DOK5: variants seen among roughly 807,000 people sequenced by gnomAD.
DOK5 encodes the protein docking protein 5.
DOK5 carries 27 observed loss-of-function variants against 43.3 expected under a neutral mutation model. That is an observed-to-expected ratio of 0.62 (90% CI 0.46 to 0.86). The LOEUF is 0.86. DOK5 is among the 40% of genes least tolerant of loss of function. DOK5 has a pLI of 0.00. For missense variants in DOK5, 373 were observed against 392.9 expected (o/e 0.95, Z 0.43); for synonymous variants, 146 against 140.1 (o/e 1.04, Z -0.30).
At chr20:54,514,220 G>A (rs572145729) in intron 1 of DOK5, among the ~76,000 whole-genome samples, 1 of 152,174 alleles carries the variant, frequency 6.6e-6, no homozygotes, top group East Asian at 1.9e-4. Context: ...TGGTTTGACA[G>A]ATGCCAACTT....
At chr20:54,565,744 C>T (rs745815291) in intron 2 of DOK5, among the ~76,000 whole-genome samples, 5 of 152,224 alleles carry the variant, frequency 3.3e-5, no homozygotes, top group South Asian at 2.1e-4. Context: ...TGAACATGGT[C>T]GGGCGCAGTG....
chr20:54,623,984 G>A (rs754828523), intron 6 of DOK5, among the ~76,000 whole-genome samples: 1 of 152,198 alleles, frequency 6.6e-6, no homozygotes. Flanking sequence ...GAATTTGAAT[G>A]ATGGAGCCGA....
At chr20:54,519,275 G>A (rs16999734) in intron 1 of DOK5, among the ~76,000 whole-genome samples, 4,398 of 152,108 alleles carry the variant, frequency 0.029, 228 homozygotes, top group African/African-American at 0.1. Flanking sequence ...AAGAATTCAG[G>A]TGTAATAAAG....
intron 6 of DOK5, among the ~76,000 whole-genome samples, chr20:54,628,600 A>G (rs552144572): frequency 6.6e-6 from 1 of 152,172 alleles, no homozygotes; most frequent in South Asian, 2.1e-4. Flanking sequence ...GATTATCACA[A>G]AACTTGTTCA....
At chr20:54,631,491 G>GCAGC (rs1268142198) in intron 6 of DOK5, among the ~76,000 whole-genome samples, 19 of 151,926 alleles carry the variant, frequency 1.3e-4, no homozygotes, top group African/African-American at 3.6e-4. Context: ...AGGGAGGCAG[G>GCAGC]CAGCCAGCCA....
chr20:54,554,883 A>C, intron 1 of DOK5, 50 bp from the exon 2 acceptor site: 1 of 1,162,424 alleles, frequency 8.6e-7, no homozygotes, highest in South Asian at 1.3e-5. Flanking sequence ...ATTTAAATGC[A>C]AATGTCAGTC....
intron 1 of DOK5, among the ~76,000 whole-genome samples, chr20:54,545,314 C>T (rs553492283): frequency 6.6e-6 from 1 of 152,316 alleles, no homozygotes; most frequent in South Asian, 2.1e-4. Context: ...TTAACATCTC[C>T]ACCCTTGACT....
At chr20:54,562,131 T>G (rs1410957537) in intron 2 of DOK5, among the ~76,000 whole-genome samples, 1 of 152,236 alleles carries the variant, frequency 6.6e-6, no homozygotes, top group Admixed American at 6.5e-5. Flanking sequence ...TTCTTGAAGA[T>G]AGAAACCATG....
At chr20:54,573,227 T>C (rs545022894) in intron 2 of DOK5, among the ~76,000 whole-genome samples, 2 of 151,928 alleles carry the variant, frequency 1.3e-5, no homozygotes, top group East Asian at 3.9e-4. Context: ...GATGGTAGGG[T>C]GAGAGTGAGC....
intron 1 of DOK5, among the ~76,000 whole-genome samples, chr20:54,477,230 CT>C (rs1366364041): frequency 6.6e-6 from 1 of 152,142 alleles, no homozygotes; most frequent in African/African-American, 2.4e-5. Flanking sequence ...GTGCCAGATA[CT>C]TTTACTGAAA....
intron 7 of DOK5, among the ~76,000 whole-genome samples, chr20:54,644,756 T>A (rs1277741364): frequency 2.0e-5 from 3 of 150,470 alleles, no homozygotes; most frequent in African/African-American, 7.4e-5. Flanking sequence ...GGCATGTGCC[T>A]GTAATCCCAG....
chr20:54,610,674 C>T (rs1343060278), intron 6 of DOK5, 151 bp downstream of exon 6: 6 of 939,264 alleles, frequency 6.4e-6, no homozygotes, highest in South Asian at 4.0e-5. Flanking sequence ...AATGGCATTC[C>T]AGAATGCCTG....
intron 1 of DOK5, among the ~76,000 whole-genome samples, chr20:54,501,878 T>C (rs925179782): frequency 1.3e-5 from 2 of 152,266 alleles, no homozygotes; most frequent in African/African-American, 4.8e-5. Flanking sequence ...AGACACTTAA[T>C]ATTGGTTTCT....
At chr20:54,631,934 T>G (rs1437714755) in intron 6 of DOK5, among the ~76,000 whole-genome samples, 5 of 152,196 alleles carry the variant, frequency 3.3e-5, no homozygotes, top group Non-Finnish European at 5.9e-5. Flanking sequence ...ATTGCACCAT[T>G]GCACTCCAGC....
intron 1 of DOK5, among the ~76,000 whole-genome samples, chr20:54,536,716 A>T (rs1416982684): frequency 6.6e-6 from 1 of 152,340 alleles, no homozygotes; most frequent in East Asian, 1.9e-4. Context: ...GCTGCTCTAT[A>T]CCATTCAAAC....
chr20:54,493,807 C>T lies in DOK5; in HGVS notation c.66+17795C>T, dbSNP rs1035308216. Among the ~76,000 whole-genome samples, 7 of 152,192 alleles carry T rather than the reference C, an allele frequency of 4.6e-5. No homozygotes were observed. The South Asian group carries it at 1.5e-3, about 32-fold the overall frequency. Reference sequence around the variant, plus strand: ...AAAAAAACTTTGTTGGGTGTGGTGGCTGGCACCTGTACTCCTAACTACTCA... The same window carrying T: ...AAAAAAACTTTGTTGGGTGTGGTGGTTGGCACCTGTACTCCTAACTACTCA... On this transcript the variant is annotated intron_variant, in intron 1 of 7. Coordinates refer to ENST00000262593, the MANE Select transcript of DOK5 (RefSeq NM_018431.5).
intron 2 of DOK5, among the ~76,000 whole-genome samples, chr20:54,570,139 T>C (rs1228470323): frequency 2.6e-5 from 4 of 152,196 alleles, no homozygotes; most frequent in East Asian, 3.8e-4. Context: ...AGGTTAAAAG[T>C]TTTGTAACAC....
chr20:54,529,424 T>C (rs1275917169), intron 1 of DOK5, among the ~76,000 whole-genome samples: 1 of 152,190 alleles, frequency 6.6e-6, no homozygotes, highest in African/African-American at 2.4e-5. Context: ...AGGCTGTCCC[T>C]TAATAAATGC....
intron 5 of DOK5, among the ~76,000 whole-genome samples, chr20:54,600,355 G>C (rs569896915): frequency 1.1e-4 from 17 of 152,156 alleles, no homozygotes; most frequent in African/African-American, 3.6e-4. Flanking sequence ...TCCCCAAGAT[G>C]GCTCTCACTT....
Sources: gnomAD v4.1 joint callset for allele counts (sites outside exome capture counted in the v4.1 genomes callset) on GRCh38, gnomAD v4.1.1 for gene constraint, MANE v1.5 for transcripts, NCBI Gene and HGNC (gene_info 2026-07-23, HGNC 2026-07-21) for gene names.